Variants in CADM2 observed in about 807,000 individuals in gnomAD.
CADM2 encodes immunoglobulin superfamily member 4D.
A neutral mutation model predicts 49.8 loss-of-function variants in CADM2; 12 were observed. The ratio of observed to expected loss-of-function variants is 0.24; its 90% CI spans 0.15 to 0.39. The LOEUF (loss-of-function observed/expected upper bound fraction) is 0.39, where lower values mean the gene tolerates loss of function less well. Among genes scored for constraint, CADM2 ranks in the 10% least tolerant of loss-of-function variants. CADM2 has a pLI of 1.00. For synonymous variants in CADM2, 214 were observed against 175.4 expected (o/e 1.22, Z -1.74); for missense variants, 378 against 492.3 (o/e 0.77, Z 2.20).
At chr3:85,650,262 T>A (rs1051513425) in intron 1 of CADM2, among the ~76,000 whole-genome samples, 4 of 152,186 alleles carry the variant, frequency 2.6e-5, no homozygotes, top group Admixed American at 6.5e-5. Context: ...ACTGGGGAAG[T>A]AAGGAGAAGC....
chr3:85,200,938 C>T (rs2041482617), intron 1 of CADM2, among the ~76,000 whole-genome samples: 1 of 152,064 alleles, frequency 6.6e-6, no homozygotes, highest in South Asian at 2.1e-4. Context: ...CATTTTCACT[C>T]TCTTAATACA....
At chr3:85,295,941 A>G (rs951070614) in intron 1 of CADM2, among the ~76,000 whole-genome samples, 17 of 152,012 alleles carry the variant, frequency 1.1e-4, no homozygotes, top group African/African-American at 1.7e-4. Context: ...AAAAAGAAAA[A>G]AAGAAGAAGA....
At chr3:85,334,465 A>G (rs757437129) in intron 1 of CADM2, among the ~76,000 whole-genome samples, 1 of 151,580 alleles carries the variant, frequency 6.6e-6, no homozygotes, top group South Asian at 2.1e-4. Context: ...TCAACAAAAT[A>G]TTTGTATCAG....
chr3:85,695,412 A>G (rs923554526), intron 1 of CADM2, among the ~76,000 whole-genome samples: 5 of 152,032 alleles, frequency 3.3e-5, no homozygotes, highest in African/African-American at 1.2e-4. Context: ...GCTCTCACTT[A>G]TAAGTGAGAA....
intron 1 of CADM2, among the ~76,000 whole-genome samples, chr3:85,239,752 A>G (rs577343004): frequency 1.3e-5 from 2 of 151,510 alleles, no homozygotes; most frequent in Admixed American, 1.3e-4. Flanking sequence ...TACTGAAAAT[A>G]TTTTAAATAA....
chr3:85,397,378 T>C (rs1220677257), intron 1 of CADM2, among the ~76,000 whole-genome samples: 1 of 152,142 alleles, frequency 6.6e-6, no homozygotes, highest in African/African-American at 2.4e-5. Context: ...ATTATGTATG[T>C]GATTATATAC....
intron 3 of CADM2, among the ~76,000 whole-genome samples, chr3:85,850,188 G>A (rs1002987552): frequency 3.3e-5 from 5 of 152,106 alleles, no homozygotes; most frequent in African/African-American, 1.2e-4. Context: ...TGCCTTAAAA[G>A]GGCCGAAAGG....
chr3:85,021,566 G>A (rs985014416), intron 1 of CADM2, among the ~76,000 whole-genome samples: 1 of 152,102 alleles, frequency 6.6e-6, no homozygotes, highest in Non-Finnish European at 1.5e-5. Flanking sequence ...CCTGAGGTCA[G>A]GTGTTCGAGA....
At chr3:85,683,338 G>A (rs537929045) in intron 1 of CADM2, among the ~76,000 whole-genome samples, 1 of 152,226 alleles carries the variant, frequency 6.6e-6, no homozygotes, top group Admixed American at 6.5e-5. Flanking sequence ...TGTTCTTTAT[G>A]GTTGTCTGAT....
chr3:85,765,281 G>T (rs1362964824), intron 2 of CADM2, among the ~76,000 whole-genome samples: 1 of 152,068 alleles, frequency 6.6e-6, no homozygotes, highest in Non-Finnish European at 1.5e-5. Flanking sequence ...ATGCTTCTAA[G>T]ATTTTAAAAT....
chr3:85,632,898 T>C (rs1371689498), intron 1 of CADM2, among the ~76,000 whole-genome samples: 1 of 152,116 alleles, frequency 6.6e-6, no homozygotes, highest in African/African-American at 2.4e-5. Flanking sequence ...GAATAGATTT[T>C]ATTCTATTAA....
chr3:85,624,026 G>A (rs879457134), intron 1 of CADM2, among the ~76,000 whole-genome samples: 4 of 151,870 alleles, frequency 2.6e-5, no homozygotes, highest in Non-Finnish European at 5.9e-5. Context: ...TTGTCTTAAG[G>A]CCAAATACTT....
Position 85,795,735 on chromosome 3 carries a change from T to G in CADM2, c.89-6312T>G, listed in dbSNP as rs367618252. Among the ~76,000 whole-genome samples, 10 of 152,334 alleles carry G rather than the reference T, an allele frequency of 6.6e-5. No homozygotes were observed. The East Asian group carries it at 1.5e-3, about 23-fold the overall frequency. ...ACAGTTAGTTATCAAAAATACGTTA[T>G]CAAGAGGATAAGATATTTAAGAACA... On this transcript the variant is annotated intron_variant, in intron 2 of 9. Coordinates refer to ENST00000383699, the MANE Select transcript of CADM2 (RefSeq NM_001167675.2).
chr3:85,266,867 A>G (rs2106826818), intron 1 of CADM2, among the ~76,000 whole-genome samples: 1 of 151,934 alleles, frequency 6.6e-6, no homozygotes. Context: ...AAAGCATGAA[A>G]ACATCCATTT....
At chr3:85,734,431 G>A (rs2068049725) in intron 2 of CADM2, among the ~76,000 whole-genome samples, 1 of 151,694 alleles carries the variant, frequency 6.6e-6, no homozygotes, top group African/African-American at 2.4e-5. Context: ...CTTACCCCCA[G>A]TGTGGTCTAT....
At chr3:85,834,447 A>G (rs1342047656) in intron 3 of CADM2, among the ~76,000 whole-genome samples, 1 of 151,674 alleles carries the variant, frequency 6.6e-6, no homozygotes, top group Non-Finnish European at 1.5e-5. Context: ...AATAAGATAG[A>G]CATGAGGGTA....
At chr3:85,559,746 T>C (rs1012538978) in intron 1 of CADM2, among the ~76,000 whole-genome samples, 5 of 152,038 alleles carry the variant, frequency 3.3e-5, no homozygotes, top group African/African-American at 1.2e-4. Context: ...GATTCTTCAA[T>C]AACAAGTCAA....
intron 1 of CADM2, among the ~76,000 whole-genome samples, chr3:85,140,706 A>G (rs1032571300): frequency 6.6e-6 from 1 of 152,182 alleles, no homozygotes. Flanking sequence ...CCGTGAATGG[A>G]AAGTCATTTG....
chr3:86,040,083 A>G (rs577466093), intron 8 of CADM2, among the ~76,000 whole-genome samples: 6 of 152,328 alleles, frequency 3.9e-5, no homozygotes, highest in Admixed American at 2.6e-4. Flanking sequence ...CCCCATCTGT[A>G]TGTCACCATC....
Sources: gnomAD v4.1 joint callset for allele counts (sites outside exome capture counted in the v4.1 genomes callset) on GRCh38, gnomAD v4.1.1 for gene constraint, MANE v1.5 for transcripts, NCBI Gene and HGNC (gene_info 2026-07-23, HGNC 2026-07-21) for gene names.